Variants in RSRC1 observed in about 807,000 individuals in gnomAD.
RSRC1 encodes arginine and serine rich coiled-coil 1, also known as serine/Arginine-related protein 53.
A neutral mutation model predicts 49.1 loss-of-function variants in RSRC1; 39 were observed. The observed-to-expected ratio is 0.79, with a 90% CI of 0.61 to 1.04. The LOEUF (loss-of-function observed/expected upper bound fraction) is 1.04, where lower values mean the gene tolerates loss of function less well. Among genes scored for constraint, RSRC1 ranks in the 50% least tolerant of loss-of-function variants. RSRC1 has a pLI of 0.00. For synonymous variants in RSRC1, 143 were observed against 130.8 expected, an observed-to-expected ratio of 1.09 and a Z score of -0.63; for missense variants, 388 against 402.4, an observed-to-expected ratio of 0.96 and a Z score of 0.31.
intron 4 of RSRC1, among the ~76,000 whole-genome samples, chr3:158,255,194 T>C (rs887179117): frequency 6.6e-6 from 1 of 152,224 alleles, no homozygotes; most frequent in Non-Finnish European, 1.5e-5. Context: ...TTTTATGGTT[T>C]TAGGTCTACC....
intron 5 of RSRC1, among the ~76,000 whole-genome samples, chr3:158,330,037 C>T (rs1488367005): frequency 6.6e-6 from 1 of 152,202 alleles, no homozygotes; most frequent in Non-Finnish European, 1.5e-5. Flanking sequence ...CCGAGCCAGG[C>T]GCAGGATATT....
At chr3:158,403,337 T>C (rs1233041446) in intron 6 of RSRC1, among the ~76,000 whole-genome samples, 1 of 151,882 alleles carries the variant, frequency 6.6e-6, no homozygotes, top group Non-Finnish European at 1.5e-5. Context: ...GTTGAAGCTT[T>C]GCATTCAGTG....
chr3:158,342,744 C>T lies in RSRC1; in HGVS notation c.532-12113C>T, dbSNP rs1454436680. 3.3e-5 allele frequency among the ~76,000 whole-genome samples: 5 copies of T among 152,142 alleles called. No homozygotes were observed. In the East Asian group the frequency reaches 7.7e-4, roughly 23 times the overall value. ...GATGGAATAACAAGAATCAGATTTA[C>T]TCTCCTTGAAACAACTAAAAACGCG... On this transcript the variant is annotated intron_variant, in intron 5 of 9. Coordinates refer to ENST00000611884, the MANE Select transcript of RSRC1 (RefSeq NM_001271838.2).
chr3:158,363,455 G>T (rs6441192), intron 6 of RSRC1, among the ~76,000 whole-genome samples: 11,192 of 151,946 alleles, frequency 0.074, 1,424 homozygotes, highest in African/African-American at 0.26. Flanking sequence ...GGTGGAGACG[G>T]GGTTTTACCA....
Position 158,468,551 on chromosome 3 carries a change from T to C in RSRC1, c.652+7548T>C, listed in dbSNP as rs561401011. ...ATTTCCCAGATTCAGTGCCATTTAC[T>C]AGCTTTATATCCTTAACTCATGCCT... On this transcript the variant is annotated intron_variant, in intron 7 of 9. Coordinates refer to ENST00000611884, the MANE Select transcript of RSRC1 (RefSeq NM_001271838.2). Among the ~76,000 whole-genome samples the C allele has an allele frequency of 9.4e-4, 143 of 152,294 alleles. 2 individuals are homozygous for C. Among genetic ancestry groups the C allele is most frequent in the Admixed American group, 8.6e-3 (131 of 15,294 alleles).
At chr3:158,535,283 G>A (rs932411839) in intron 7 of RSRC1, among the ~76,000 whole-genome samples, 1 of 151,122 alleles carries the variant, frequency 6.6e-6, no homozygotes, top group African/African-American at 2.4e-5. Context: ...CTGTTATTTT[G>A]AAAGTAATAC....
rs147030446 is a variant in RSRC1 at position 158,497,890 on chromosome 3, T to G, written c.652+36887T>G. 2.5e-4 allele frequency among the ~76,000 whole-genome samples: 38 copies of G among 152,302 alleles called. No homozygotes were observed. In the East Asian group the frequency reaches 4.2e-3, roughly 17 times the overall value. ...GCTGCAAATGCTGTTAATTAATTCC[T>G]TTTTATGGCTGAGTAGTATTCCATC... is the stretch of plus-strand genomic sequence containing the variant. On this transcript the variant is annotated intron_variant, in intron 7 of 9. Transcript: ENST00000611884.
chr3:158,268,612 AT>A lies in RSRC1; in HGVS notation c.495-29422del, dbSNP rs1170339500. Among the ~76,000 whole-genome samples the A allele has an allele frequency of 2.6e-5, 4 of 152,144 alleles. No homozygotes were observed. In the South Asian group the frequency reaches 6.2e-4, roughly 24 times the overall value. On this transcript the variant is annotated intron_variant, in intron 4 of 9. Transcript: ENST00000611884. ...CAGTAACTCTTCACTTCTAAGTGAG[AT>A]TTTTGTGATTAGACTATTTGTGGCG... is the stretch of plus-strand genomic sequence containing the variant.
intron 6 of RSRC1, among the ~76,000 whole-genome samples, chr3:158,379,175 C>G (rs1312241635): frequency 6.7e-6 from 1 of 148,460 alleles, no homozygotes; most frequent in Admixed American, 6.7e-5. Flanking sequence ...CTTTTAAAAC[C>G]TTGATCAGAA....
chr3:158,439,837 A>C (rs938596900), intron 6 of RSRC1, among the ~76,000 whole-genome samples: 2 of 151,768 alleles, frequency 1.3e-5, no homozygotes, highest in African/African-American at 4.8e-5. Flanking sequence ...TAATAAAAAA[A>C]GGTTACAGTG....
chr3:158,135,499 C>G (rs143256998), intron 3 of RSRC1, among the ~76,000 whole-genome samples: 94 of 140,810 alleles, frequency 6.7e-4, no homozygotes, highest in Admixed American at 1.1e-3. Context: ...AGGCTGGTCT[C>G]AAACTCCTGA....
intron 6 of RSRC1, among the ~76,000 whole-genome samples, chr3:158,374,294 A>G (rs1029642812): frequency 6.6e-6 from 1 of 152,140 alleles, no homozygotes; most frequent in African/African-American, 2.4e-5. Flanking sequence ...TTGACTTTTC[A>G]TATAGGACTA....
chr3:158,118,462 T>TGTGTGTGTGTGTGTGTGTGTGCGCGCGC (rs1491469875), intron 1 of RSRC1, among the ~76,000 whole-genome samples: 3 of 124,716 alleles, frequency 2.4e-5, no homozygotes, highest in African/African-American at 6.6e-5. Context: ...TGTGTGTGTG[T>TGTGTGTGTGTGTGTGTGTGTGCGCGCGC]GCGCGTGCGC....
At chr3:158,148,231 G>T (rs1717280826) in intron 3 of RSRC1, among the ~76,000 whole-genome samples, 1 of 152,110 alleles carries the variant, frequency 6.6e-6, no homozygotes, top group African/African-American at 2.4e-5. Context: ...GTGCATGTAA[G>T]ACTATTGGTA....
intron 4 of RSRC1, among the ~76,000 whole-genome samples, chr3:158,229,424 G>A (rs1403093388): frequency 2.2e-5 from 3 of 135,494 alleles, no homozygotes; most frequent in Admixed American, 7.6e-5. Flanking sequence ...GTGTATGTAT[G>A]TATGTATATA....
chr3:158,153,666 G>T (rs1717686293), intron 3 of RSRC1, among the ~76,000 whole-genome samples: 1 of 152,144 alleles, frequency 6.6e-6, no homozygotes, highest in Non-Finnish European at 1.5e-5. Flanking sequence ...TCTAAGAAAG[G>T]TTGAGTTTGA....
rs1738619450 is a variant in RSRC1 at position 158,481,667 on chromosome 3, A to G, written c.652+20664A>G. Among the ~76,000 whole-genome samples the G allele has an allele frequency of 3.9e-5, 6 of 152,204 alleles. No homozygotes were observed. In the South Asian group the frequency reaches 1.0e-3, roughly 26 times the overall value. ...GCTGTGTCACAAACTGAAAGAGGACAGGAATCAAGCAAAAGAAAGTAATTT... is the reference window on the plus strand; with the variant it reads ...GCTGTGTCACAAACTGAAAGAGGACGGGAATCAAGCAAAAGAAAGTAATTT... On this transcript the variant is annotated intron_variant, in intron 7 of 9. Transcript: ENST00000611884.
At chr3:158,499,498 T>C (rs1320042098) in intron 7 of RSRC1, among the ~76,000 whole-genome samples, 2 of 152,196 alleles carry the variant, frequency 1.3e-5, no homozygotes, top group Non-Finnish European at 2.9e-5. Context: ...CAATATTGAT[T>C]CCACCCATCC....
intron 6 of RSRC1, among the ~76,000 whole-genome samples, chr3:158,436,798 T>G (rs1736066105): frequency 6.6e-6 from 1 of 152,008 alleles, no homozygotes; most frequent in Non-Finnish European, 1.5e-5. Context: ...AATACTATTG[T>G]GAGTGGTTGG....
Sources: gnomAD v4.1 joint callset for allele counts (sites outside exome capture counted in the v4.1 genomes callset) on GRCh38, gnomAD v4.1.1 for gene constraint, MANE v1.5 for transcripts, NCBI Gene and HGNC (gene_info 2026-07-23, HGNC 2026-07-21) for gene names.